MTSS2: variants seen among roughly 807,000 people sequenced by gnomAD.
MTSS2 encodes the protein protein MTSS 2.
In MTSS2, 27 loss-of-function variants were observed where a neutral mutation model predicts 67.1. The ratio of observed to expected loss-of-function variants is 0.40; its 90% confidence interval spans 0.30 to 0.55. The LOEUF (loss-of-function observed/expected upper bound fraction) is 0.55, where lower values mean the gene tolerates loss of function less well. MTSS2 is among the 20% of genes least tolerant of loss of function. The probability of loss-of-function intolerance (pLI) is 0.43; values close to 1 mark genes in which losing one functional copy is unlikely to be tolerated. For missense variants in MTSS2, 1,171 were observed against 1,067.8 expected (o/e 1.10, Z -1.35); for synonymous variants, 624 against 468.6 (o/e 1.33, Z -4.28).
Position 70,663,484 on chromosome 16 carries a change from G to T in MTSS2, c.*193C>A. The T allele has an allele frequency of 9.0e-7, 1 of 1,110,942 alleles. No homozygotes were observed. The highest frequency in any genetic ancestry group is 1.2e-6 in the Non-Finnish European group (1 of 813,462). 68.8% of individuals were successfully genotyped at this position (1,110,942 alleles called of 1,614,324 possible). A position where few individuals can be genotyped will look rare whatever the true frequency, so the allele number is the denominator to read the frequency against. Reference sequence around the variant, plus strand: ...GGCCCAGGCCTGCAGGCTCCGTCCTGGCCAGGCTTGCTAAGAAGTCACTTC... The same window carrying T: ...GGCCCAGGCCTGCAGGCTCCGTCCTTGCCAGGCTTGCTAAGAAGTCACTTC... On this transcript the variant is annotated 3_prime_UTR_variant, in exon 15 of 15. Coordinates refer to ENST00000338779, the MANE Select transcript of MTSS2 (RefSeq NM_138383.3).
intron 1 of MTSS2, 32 bp downstream of exon 1, chr16:70,685,691 C>G: frequency 7.9e-7 from 1 of 1,260,656 alleles, no homozygotes; most frequent in African/African-American, 1.6e-5. Flanking sequence ...GCACCCGTCG[C>G]CGCGCGCCCG....
chr16:70,680,286 C>T (rs2053262362), intron 3 of MTSS2, among the ~76,000 whole-genome samples: 1 of 152,104 alleles, frequency 6.6e-6, no homozygotes, highest in Non-Finnish European at 1.5e-5. Flanking sequence ...CCCCTCTCTC[C>T]CAGCTGGGAG....
At chr16:70,679,942 C>T (rs2053247024) in intron 4 of MTSS2, 29 bp downstream of exon 4, 2 of 1,489,024 alleles carry the variant, frequency 1.3e-6, no homozygotes, top group Non-Finnish European at 1.8e-6. Flanking sequence ...GTCCCCCCGC[C>T]CCCCTGCCCG....
At chr16:70,677,044 C>G in intron 9 of MTSS2, 66 bp from the exon 10 acceptor site, 1 of 1,233,672 alleles carries the variant, frequency 8.1e-7, no homozygotes. Flanking sequence ...CCAGAGGCCC[C>G]CCCCCACTCT....
chr16:70,663,503 T>C lies in MTSS2; in HGVS notation c.*174A>G. The C allele has an allele frequency of 8.7e-6, 11 of 1,266,418 alleles. No individual in the cohort carries two copies. Among genetic ancestry groups the C allele is most frequent in the Non-Finnish European group, 1.2e-5 (11 of 953,952 alleles). The allele number at this position is 1,266,418 out of a possible 1,614,324, so 78.4% of individuals were successfully genotyped here. ...CGTCCTGGCCAGGCTTGCTAAGAAG[T>C]CACTTCCTGTTTAAATGCTGGAATC... On this transcript the variant is annotated 3_prime_UTR_variant, in exon 15 of 15. Coordinates refer to ENST00000338779, the MANE Select transcript of MTSS2 (RefSeq NM_138383.3).
At chr16:70,667,297 A>T (rs1266061597) in intron 11 of MTSS2, among the ~76,000 whole-genome samples, 1 of 149,876 alleles carries the variant, frequency 6.7e-6, no homozygotes, top group Non-Finnish European at 1.5e-5. Flanking sequence ...AAAAAAAAAA[A>T]AAATCACTAT....
Position 70,663,478 on chromosome 16 carries a change from C to G in MTSS2, c.*199G>C, listed in dbSNP as rs760533914. 5.8e-6 allele frequency: 6 copies of G among 1,038,082 alleles called. No individual in the cohort carries two copies. The highest frequency in any genetic ancestry group is 8.0e-6 in the Non-Finnish European group (6 of 750,358). The allele number at this position is 1,038,082 out of a possible 1,614,324, so 64.3% of individuals were successfully genotyped here. On this transcript the variant is annotated 3_prime_UTR_variant, in exon 15 of 15. Coordinates refer to ENST00000338779, the MANE Select transcript of MTSS2 (RefSeq NM_138383.3). ...GAACCAGGCCCAGGCCTGCAGGCTCCGTCCTGGCCAGGCTTGCTAAGAAGT... is the reference window on the plus strand; with the variant it reads ...GAACCAGGCCCAGGCCTGCAGGCTCGGTCCTGGCCAGGCTTGCTAAGAAGT...
At chr16:70,670,347 T>G (rs546948981) in intron 11 of MTSS2, among the ~76,000 whole-genome samples, 9 of 152,180 alleles carry the variant, frequency 5.9e-5, no homozygotes, top group African/African-American at 2.2e-4. Flanking sequence ...TATGAGCACT[T>G]GGCTTACTGT....
chr16:70,664,740 G>C lies in MTSS2; in HGVS notation c.1329C>G (p.Ala443=). The C allele has an allele frequency of 6.2e-7, 1 of 1,612,210 alleles. No individual in the cohort carries two copies. ...AAKHGEEVSP[A]ASDLAMVLTR... is the part of the protein sequence containing the mutation. ...TCAGCACCATGGCCAGGTCACTGGC[G>C]GCGGGGGACACCTCCTCACCGTGCT... The change falls in exon 14 of 15, where the codon GCC becomes GCG. Residue 443 remains alanine, a synonymous_variant. Transcript: ENST00000338779.
intron 10 of MTSS2, among the ~76,000 whole-genome samples, 176 bp from the exon 11 acceptor site, chr16:70,674,704 C>T (rs562372958): frequency 2.8e-4 from 43 of 152,224 alleles, no homozygotes; most frequent in African/African-American, 9.4e-4. Context: ...TGTTCTGGGA[C>T]GGTGTGGAAG....
At position 70,662,192 on chromosome 16, in the gene MTSS2, CAATCA is replaced by C. The variant is rs2052505555; in HGVS notation, c.*1480_*1484del. ...AGGCTCAGACCCAGCTCCATTCTAT[CAATCA>C]ATCAATCAATCATCAAGACCAAGGT... On this transcript the variant is annotated 3_prime_UTR_variant, in exon 15 of 15. Transcript: ENST00000338779. 2.0e-5 allele frequency: 1 copy of C among 49,618 alleles called. No homozygotes were observed. Among genetic ancestry groups the C allele is most frequent in the African/African-American group, 3.6e-5 (1 of 27,602 alleles). 3.1% of individuals were successfully genotyped at this position (49,618 alleles called of 1,614,324 possible).
chr16:70,672,146 G>C (rs550223045), intron 11 of MTSS2, among the ~76,000 whole-genome samples: 1 of 152,108 alleles, frequency 6.6e-6, no homozygotes, highest in Admixed American at 6.6e-5. Flanking sequence ...TCAGGAATTC[G>C]AGACCAGCCT....
chr16:70,665,927 G>A lies in MTSS2; in HGVS notation c.1054-387C>T, dbSNP rs553189016. On this transcript the variant is annotated intron_variant, in intron 11 of 14. Coordinates refer to ENST00000338779, the MANE Select transcript of MTSS2 (RefSeq NM_138383.3). ...TTTTCTCAGACAGGACACGGGGGAA[G>A]TGTGAAGCCCCGAGTGCCACGCTGA... 38 of 187,810 alleles carry A rather than the reference G, an allele frequency of 2.0e-4. No individual in the cohort carries two copies. The South Asian group carries it at 4.1e-3, about 20-fold the overall frequency. 11.6% of individuals were successfully genotyped at this position (187,810 alleles called of 1,614,324 possible).
Position 70,661,593 on chromosome 16 carries a change from C to T in MTSS2, c.*2084G>A, listed in dbSNP as rs564301861. The T allele has an allele frequency of 2.5e-4, 87 of 350,096 alleles. No homozygotes were observed. The highest frequency in any genetic ancestry group is 4.3e-4 in the Non-Finnish European group (77 of 179,210). 21.7% of individuals were successfully genotyped at this position (350,096 alleles called of 1,614,324 possible). On this transcript the variant is annotated 3_prime_UTR_variant, in exon 15 of 15. Coordinates refer to ENST00000338779, the MANE Select transcript of MTSS2 (RefSeq NM_138383.3). ...GATGTGGGATGGTTGGCTCGGATCC[C>T]GAGGTGGGTGGGCCTATGAGGTGGT...
chr16:70,684,495 G>C (rs971568761), intron 1 of MTSS2, among the ~76,000 whole-genome samples: 5 of 152,206 alleles, frequency 3.3e-5, no homozygotes, highest in Admixed American at 6.5e-5. Flanking sequence ...GCAGCACCGG[G>C]AGCCTCGAAC....
chr16:70,664,041 G>A lies in MTSS2; in HGVS notation c.1880C>T (p.Ala627Val), dbSNP rs2052596077. The A allele has an allele frequency of 6.2e-7, 1 of 1,609,448 alleles. No homozygotes were observed. The highest frequency in any genetic ancestry group is 8.5e-7 in the Non-Finnish European group (1 of 1,178,694). ...TGGGGAGGCCTTGGCGAGGTCCGGT[G>A]CCAGGGGTGAGGCGGTCTCGTCGGT... ...FYTDETASPL[A>V]PDLAKASPKR... is the part of the protein sequence containing the mutation. Residue 627 changes from alanine to valine, a missense_variant, in exon 15 of 15, where the codon GCA becomes GTA. Transcript: ENST00000338779.
chr16:70,664,075 C>T lies in MTSS2; in HGVS notation c.1846G>A (p.Val616Ile), dbSNP rs149894515. 1.6e-4 allele frequency: 257 copies of T among 1,611,696 alleles called. 1 individual carries two copies. The highest frequency in any genetic ancestry group is 9.1e-4 in the East Asian group (41 of 44,846). Residue 616 changes from valine to isoleucine, a missense_variant, in exon 15 of 15, where the codon GTC (valine) becomes ATC (isoleucine). Physicochemically the swap from Val to Ile is conservative, Grantham distance 29. Transcript: ENST00000338779. The part of the protein sequence containing the change: ...GPTRAGSEEC[V>I]FYTDETASPL... ...GAGGCGGTCTCGTCGGTATAGAAGA[C>T]GCACTCCTCACTGCCCGCCCGTGTG...
chr16:70,668,749 C>T (rs557497059), intron 11 of MTSS2, among the ~76,000 whole-genome samples: 20 of 152,158 alleles, frequency 1.3e-4, no homozygotes, highest in South Asian at 2.1e-4. Context: ...TTGCCCCTTC[C>T]ACCACTGAGG....
In MTSS2 at chr16:70,668,580, AAAG is replaced by A. The variant is rs1438404122; in HGVS notation, c.1054-3043_1054-3041del. On this transcript the variant is annotated intron_variant, in intron 11 of 14. Transcript: ENST00000338779. ...AGGCAGCACTGCTGTGCACTGAGGA[AAAG>A]AAGATGCTATGCTCCAAATGTCTAT... Among the ~76,000 whole-genome samples the A allele has an allele frequency of 3.9e-5, 6 of 152,212 alleles. No homozygotes were observed. In the East Asian group the frequency reaches 9.6e-4, roughly 24 times the overall value.
Sources: allele counts gnomAD v4.1 joint callset (sites outside exome capture counted in the v4.1 genomes callset), GRCh38; gene constraint gnomAD v4.1.1; transcripts MANE v1.5; gene names NCBI Gene and HGNC (gene_info 2026-07-23, HGNC 2026-07-21).